Variants in RAP1GAP2 observed in about 807,000 individuals in gnomAD.
RAP1GAP2 encodes RAP1 GTPase activating protein 2.
Under a neutral mutation model 95.0 loss-of-function variants are expected in RAP1GAP2, and 27 were observed. That is an observed-to-expected ratio of 0.28 (90% CI 0.21 to 0.39). RAP1GAP2 has a LOEUF of 0.39. RAP1GAP2 is among the 10% of genes least tolerant of loss of function. The pLI, the probability that RAP1GAP2 is intolerant of heterozygous loss-of-function variation, is 1.00. For synonymous variants in RAP1GAP2, 373 were observed against 380.9 expected (o/e 0.98, Z 0.24); for missense variants, 771 against 970.0 (o/e 0.79, Z 2.72).
intron 17 of RAP1GAP2, among the ~76,000 whole-genome samples, chr17:3,017,262 C>T (rs771043356): frequency 1.1e-4 from 17 of 152,238 alleles, no homozygotes; most frequent in Non-Finnish European, 2.1e-4. Flanking sequence ...TGGTCCTCTC[C>T]TGGGTACTTC....
At chr17:2,791,042 T>C (rs930361862) in intron 1 of RAP1GAP2, among the ~76,000 whole-genome samples, 2 of 152,142 alleles carry the variant, frequency 1.3e-5, no homozygotes, top group African/African-American at 4.8e-5. Context: ...CCATCTCCAC[T>C]AAAAGTACAA....
upstream of RAP1GAP2, among the ~76,000 whole-genome samples, chr17:2,792,019 C>G (rs1597315513): frequency 6.6e-6 from 1 of 152,136 alleles, no homozygotes; most frequent in African/African-American, 2.4e-5. Context: ...GCCACCATGC[C>G]TGGCTAATTT....
At chr17:2,919,019 C>T (rs967790047) in intron 3 of RAP1GAP2, among the ~76,000 whole-genome samples, 4 of 152,104 alleles carry the variant, frequency 2.6e-5, no homozygotes, top group East Asian at 3.9e-4. Flanking sequence ...ACCAGGTTTT[C>T]GGTGAATATA....
rs796991242 is a variant in RAP1GAP2 at position 3,033,834 on chromosome 17, A to G, written c.*473A>G. The stretch of plus-strand genomic sequence containing the variant: ...TGGCAGGCTTTACTACCAGGAACGC[A>G]CTCGGTGGTGGAGGCCCCATGTTCC... On this transcript the variant is annotated 3_prime_UTR_variant, in exon 25 of 25. Transcript: ENST00000254695. This position sits in a 1 kb window ranked among gnomAD's most constrained non-coding sequence, Gnocchi z 4.9. 5 of 151,696 alleles carry G rather than the reference A, an allele frequency of 3.3e-5. No individual in the cohort carries two copies. Among genetic ancestry groups the G allele is most frequent in the African/African-American group, 1.2e-4 (5 of 41,302 alleles). 9.4% of individuals were successfully genotyped at this position (151,696 alleles called of 1,614,324 possible).
At chr17:2,820,919 G>GTTTTTTTTTTT (rs2070274192) in intron 2 of RAP1GAP2, among the ~76,000 whole-genome samples, 2 of 93,168 alleles carry the variant, frequency 2.1e-5, no homozygotes, top group South Asian at 3.9e-4. Flanking sequence ...TGTATTTTTA[G>GTTTTTTTTTTT]TAGAGATAGG....
At chr17:2,804,151 G>A (rs567388676) in intron 2 of RAP1GAP2, among the ~76,000 whole-genome samples, 16 of 152,258 alleles carry the variant, frequency 1.1e-4, no homozygotes, top group African/African-American at 2.4e-4. Flanking sequence ...GCCATGTAGC[G>A]GATACTCCTG....
rs945240816 is a variant in RAP1GAP2, at chr17:2,827,628, T to C, written c.80+27078T>C. ...TTCAAGACCAGCCTGGATAACATGG[T>C]GAAACCCCCTCTCTACTAAAAATAC... On this transcript the variant is annotated intron_variant, in intron 2 of 24. Coordinates refer to ENST00000254695, the MANE Select transcript of RAP1GAP2 (RefSeq NM_015085.5). The surrounding 1 kb of genome is among the most constrained non-coding windows in gnomAD (Gnocchi z 4.1). Among the ~76,000 whole-genome samples the C allele has an allele frequency of 6.7e-6, 1 of 150,196 alleles. No homozygotes were observed. The highest frequency in any genetic ancestry group is 2.5e-5 in the African/African-American group (1 of 40,766).
At chr17:2,912,716 C>T (rs938743942) in intron 3 of RAP1GAP2, among the ~76,000 whole-genome samples, 4 of 152,114 alleles carry the variant, frequency 2.6e-5, no homozygotes, top group East Asian at 1.9e-4. Context: ...TTTCTGTTGC[C>T]GCTCCGGACA....
intron 3 of RAP1GAP2, among the ~76,000 whole-genome samples, chr17:2,909,882 G>A (rs73312072): frequency 0.038 from 5,793 of 152,290 alleles, 346 homozygotes; most frequent in African/African-American, 0.13. Context: ...GTCAGTGTGT[G>A]TGGTGTGCCT....
rs930419725 is a variant in RAP1GAP2 at position 2,963,310 on chromosome 17, C to T, written c.247-120C>T. 27 of 1,130,170 alleles carry T rather than the reference C, an allele frequency of 2.4e-5. No individual in the cohort carries two copies. The highest frequency in any genetic ancestry group is 5.2e-5 in the Admixed American group (3 of 57,920). The allele number at this position is 1,130,170 out of a possible 1,614,324, so 70.0% of individuals were successfully genotyped here. The stretch of plus-strand genomic sequence containing the variant: ...AGCTGATTCTGAGCTGTTCTTCCAT[C>T]GAATGTTCCTCCCTCAAAGCCCCCC... On this transcript the variant is annotated intron_variant, in intron 5 of 24. Transcript: ENST00000254695. This position sits in a 1 kb window ranked among gnomAD's most constrained non-coding sequence, Gnocchi z 4.8.
rs111950542 is a variant in RAP1GAP2, at chr17:2,778,015, G to T, written c.-14+737G>T. On this transcript the variant is annotated intron_variant, in intron 1 of 24. Coordinates refer to the RAP1GAP2 transcript ENST00000540393. ...CGGGGAGGCTGGGAGGCTGGGAGGCGGGGAGGCTGGGAGGCTGGGAGGCGG... is the reference window on the plus strand; with the variant it reads ...CGGGGAGGCTGGGAGGCTGGGAGGCTGGGAGGCTGGGAGGCTGGGAGGCGG... Among the ~76,000 whole-genome samples, 700 of 33,442 alleles carry T rather than the reference G, an allele frequency of 0.021. 58 individuals carry two copies. In the East Asian group the frequency reaches 0.26, roughly 13 times the overall value. The allele number at this position is 33,442 out of a possible 152,430, so 21.9% of individuals were successfully genotyped here.
intron 10 of RAP1GAP2, among the ~76,000 whole-genome samples, chr17:2,983,627 A>G (rs921270195): frequency 6.6e-6 from 1 of 152,234 alleles, no homozygotes; most frequent in East Asian, 1.9e-4. Context: ...ATAATTTAAA[A>G]TAGCTTTAAC....
chr17:2,934,794 A>C lies in RAP1GAP2; in HGVS notation c.166-22965A>C, dbSNP rs554419562. On this transcript the variant is annotated intron_variant, in intron 3 of 24. Transcript: ENST00000254695. ...TGTACCTTCCAGTGGATGTCCTTTT[A>C]GTTTGACGAAATCTGGTGCGTGCAC... 5.3e-5 allele frequency among the ~76,000 whole-genome samples: 8 copies of C among 152,308 alleles called. No individual in the cohort carries two copies. The East Asian group carries it at 1.2e-3, about 22-fold the overall frequency.
intron 12 of RAP1GAP2, among the ~76,000 whole-genome samples, chr17:2,993,298 G>T (rs1435495068): frequency 2.0e-5 from 3 of 151,762 alleles, no homozygotes; most frequent in Non-Finnish European, 2.9e-5. Flanking sequence ...AATGGGCTGA[G>T]CGTGGTGGCT....
At chr17:2,901,602 C>T (rs1350937361) in intron 2 of RAP1GAP2, among the ~76,000 whole-genome samples, 2 of 152,220 alleles carry the variant, frequency 1.3e-5, no homozygotes, top group Admixed American at 1.3e-4. Context: ...TTACCTTTTG[C>T]TTCTAATTAG....
rs774014655 is a variant in RAP1GAP2 at position 3,005,425 on chromosome 17, C to T, written c.1257C>T (p.Pro419=). ...VPTFGPPLPS[P]PVFQKGPEFR... is the part of the protein sequence containing the mutation. ...CCTTTGGTCCACCTCTGCCCAGTCC[C>T]CCCGTTTTCCAGAAGGTAGGACACT... The change falls in exon 15 of 25, where the codon CCC becomes CCT. Residue 419 remains proline (P), a synonymous_variant. Transcript: ENST00000254695. This position sits in a 1 kb window ranked among gnomAD's most constrained non-coding sequence, Gnocchi z 5.2. 7 of 1,613,468 alleles carry T rather than the reference C, an allele frequency of 4.3e-6. No homozygotes were observed. The Admixed American group carries it at 6.7e-5, about 15-fold the overall frequency.
chr17:2,896,133 C>T (rs2041816360), intron 2 of RAP1GAP2, among the ~76,000 whole-genome samples: 1 of 152,186 alleles, frequency 6.6e-6, no homozygotes, highest in Non-Finnish European at 1.5e-5. Flanking sequence ...CCTCATGGCA[C>T]TTGATTCTGT....
chr17:2,837,470 G>A (rs1483405746), intron 2 of RAP1GAP2, among the ~76,000 whole-genome samples: 4 of 151,992 alleles, frequency 2.6e-5, no homozygotes, highest in Non-Finnish European at 5.9e-5. Context: ...GGCATATTCC[G>A]CTTCGTCTGG....
intron 2 of RAP1GAP2, among the ~76,000 whole-genome samples, chr17:2,828,420 G>GAAAA: frequency 6.9e-6 from 1 of 145,248 alleles, no homozygotes; most frequent in Non-Finnish European, 1.5e-5. Flanking sequence ...AGTGAAAGTT[G>GAAAA]AAAAAAAAAA....
Sources: gnomAD v4.1 joint callset for allele counts (sites outside exome capture counted in the v4.1 genomes callset) on GRCh38, gnomAD v4.1.1 for gene constraint, Gnocchi (gnomAD v3.1) non-coding constraint, MANE v1.5 for transcripts, NCBI Gene and HGNC (gene_info 2026-07-23, HGNC 2026-07-21) for gene names.